The following PCDHB6 variants were observed in gnomAD, a reference collection of about 807,000 sequenced individuals.
PCDHB6 encodes protocadherin beta 6.
For synonymous variants in PCDHB6, 506 were observed against 459.0 expected (o/e 1.10, Z -1.31); for missense variants, 1,137 against 1,010.1 (o/e 1.13, Z -1.70).
chr5:141,152,153 C>G lies in PCDHB6; in HGVS notation c.1896C>G (p.Asp632Glu). The G allele has an allele frequency of 6.2e-7, 1 of 1,608,176 alleles. No homozygotes were observed. The highest frequency in any genetic ancestry group is 8.5e-7 in the Non-Finnish European group (1 of 1,179,720). ...VRTARLLSER[D>E]AAKHRLVVLV... ...CCGCCAGGCTGCTGAGCGAGCGAGA[C>G]GCAGCCAAGCACAGGCTGGTGGTGC... The change falls in exon 1 of 1, where the codon GAC (aspartate) becomes GAG (glutamate). Residue 632 changes from aspartate to glutamate, a missense_variant. Physicochemically the swap from Asp to Glu is conservative, Grantham distance 45. Coordinates refer to ENST00000231136, the MANE Select transcript of PCDHB6 (RefSeq NM_018939.4).
In PCDHB6 at chr5:141,152,569, A is replaced by T; in HGVS notation, c.2312A>T (p.Asn771Ile). The change falls in exon 1 of 1, where the codon AAC (asparagine) becomes ATC (isoleucine). Residue 771 changes from asparagine to isoleucine, a missense_variant. By Grantham distance (149) the Asn-to-Ile change is moderately radical (BLOSUM62 -3). Coordinates refer to ENST00000231136, the MANE Select transcript of PCDHB6 (RefSeq NM_018939.4). ...EFKFLKPIMP[N>I]FPPQGTEREM... ...AAGTTCCTGAAGCCGATTATGCCCAACTTCCCTCCTCAGGGCACTGAGAGA... is the reference window on the plus strand; with the variant it reads ...AAGTTCCTGAAGCCGATTATGCCCATCTTCCCTCCTCAGGGCACTGAGAGA... 1 of 1,613,590 alleles carries T rather than the reference A, an allele frequency of 6.2e-7. No homozygotes were observed. Among genetic ancestry groups the T allele is most frequent in the South Asian group, 1.1e-5 (1 of 91,054 alleles).
rs782157656 is a variant in PCDHB6 at position 141,152,573 on chromosome 5, C to G, written c.2316C>G (p.Phe772Leu). Residue 772 changes from phenylalanine (F) to leucine (L), a missense_variant, in exon 1 of 1, where the codon TTC becomes TTG. Coordinates refer to ENST00000231136, the MANE Select transcript of PCDHB6 (RefSeq NM_018939.4). ...TCCTGAAGCCGATTATGCCCAACTTCCCTCCTCAGGGCACTGAGAGAGAAA... is the reference window on the plus strand; with the variant it reads ...TCCTGAAGCCGATTATGCCCAACTTGCCTCCTCAGGGCACTGAGAGAGAAA... ...FKFLKPIMPN[F>L]PPQGTEREME... 1.9e-6 allele frequency: 3 copies of G among 1,613,874 alleles called. No homozygotes were observed. The South Asian group carries it at 3.3e-5, about 18-fold the overall frequency.
chr5:141,152,076 G>T lies in PCDHB6; in HGVS notation c.1819G>T (p.Ala607Ser). 1 of 1,607,020 alleles carries T rather than the reference G, an allele frequency of 6.2e-7. No homozygotes were observed. Among genetic ancestry groups the T allele is most frequent in the Non-Finnish European group, 8.5e-7 (1 of 1,179,646 alleles). ...NAWLSYQLLK[A>S]TELGLFGVWA... ...CTGGCTGTCGTACCAGCTGCTCAAGGCCACGGAGCTCGGTCTGTTCGGCGT... is the reference window on the plus strand; with the variant it reads ...CTGGCTGTCGTACCAGCTGCTCAAGTCCACGGAGCTCGGTCTGTTCGGCGT... Residue 607 changes from alanine (A) to serine (S), a missense_variant, in exon 1 of 1, where the codon GCC becomes TCC. Transcript: ENST00000231136.
chr5:141,150,592 C>T lies in PCDHB6; in HGVS notation c.335C>T (p.Pro112Leu). 1 of 1,614,118 alleles carries T rather than the reference C, an allele frequency of 6.2e-7. No individual in the cohort carries two copies. Among genetic ancestry groups the T allele is most frequent in the African/African-American group, 1.3e-5 (1 of 75,020 alleles). The change falls in exon 1 of 1, where the codon CCC becomes CTC. Residue 112 changes from proline (P) to leucine (L), a missense_variant. Physicochemically the swap from Pro to Leu is moderately conservative, Grantham distance 98 (BLOSUM62 -3). Transcript: ENST00000231136. ...CCTTTCCAAGTGTTACTGGAAAACC[C>T]CTTGCAGTTTTTTCAGGCTTCCTTG... ...VLPFQVLLEN[P>L]LQFFQASLRV... is the part of the protein sequence containing the mutation.
rs1554277589 is a variant in PCDHB6 at position 141,151,042 on chromosome 5, C to T, written c.785C>T (p.Thr262Ile). The change falls in exon 1 of 1, where the codon ACC becomes ATC. Residue 262 changes from threonine to isoleucine, a missense_variant. By Grantham distance (89) the Thr-to-Ile change is moderately conservative. Coordinates refer to ENST00000231136, the MANE Select transcript of PCDHB6 (RefSeq NM_018939.4). ...ENNPLGSLVITVSARDLDAGS... is the reference protein window; with the variant it reads ...ENNPLGSLVIIVSARDLDAGS... ...AACCCCCTCGGCTCTCTGGTTATTACCGTCTCAGCCAGAGATTTAGATGCA... is the reference window on the plus strand; with the variant it reads ...AACCCCCTCGGCTCTCTGGTTATTATCGTCTCAGCCAGAGATTTAGATGCA... 1.2e-6 allele frequency: 2 copies of T among 1,614,216 alleles called. No individual in the cohort carries two copies. The highest frequency in any genetic ancestry group is 4.5e-5 in the East Asian group (2 of 44,876).
At position 141,152,727 on chromosome 5, in the gene PCDHB6, A is replaced by T; in HGVS notation, c.*85A>T. On this transcript the variant is annotated 3_prime_UTR_variant, in exon 1 of 1. Coordinates refer to ENST00000231136, the MANE Select transcript of PCDHB6 (RefSeq NM_018939.4). ...ACATGGTCTGTTTCTTGTTTATTTT[A>T]CCTCTATTCTTTAGGTTGAAATTTT... 2 of 1,231,750 alleles carry T rather than the reference A, an allele frequency of 1.6e-6. No homozygotes were observed. Among genetic ancestry groups the T allele is most frequent in the South Asian group, 1.7e-5 (1 of 59,294 alleles). 76.3% of individuals were successfully genotyped at this position (1,231,750 alleles called of 1,614,324 possible).
chr5:141,150,156 A>C lies in PCDHB6; in HGVS notation c.-102A>C, dbSNP rs1020551650. 2.2e-6 allele frequency: 2 copies of C among 902,548 alleles called. No homozygotes were observed. Among genetic ancestry groups the C allele is most frequent in the African/African-American group, 1.7e-5 (1 of 59,658 alleles). The allele number at this position is 902,548 out of a possible 1,614,324, so 55.9% of individuals were successfully genotyped here. A position where few individuals can be genotyped will look rare whatever the true frequency, so the allele number is the denominator to read the frequency against. ...AGTCGTCGCCAGACAAGTTGTAAGA[A>C]CGAATTTAAAAATCTCTGCAAAGAC... On this transcript the variant is annotated 5_prime_UTR_variant, in exon 1 of 1. Transcript: ENST00000231136.
At position 141,150,521 on chromosome 5, in the gene PCDHB6, A is replaced by C. The variant is rs1554277430; in HGVS notation, c.264A>C (p.Lys88Asn). 4 of 1,613,970 alleles carry C rather than the reference A, an allele frequency of 2.5e-6. No homozygotes were observed. The highest frequency in any genetic ancestry group is 1.6e-4 in the Middle Eastern group (1 of 6,062). The change falls in exon 1 of 1, where the codon AAA (lysine) becomes AAC (asparagine). Residue 88 changes from lysine to asparagine, a missense_variant. Transcript: ENST00000231136. ...CCCATGATTTACTGCTAAATGAAAA[A>C]CTGGACCGGGAGGAGCTGTGTGGCT... The part of the protein sequence containing the change: ...PQTHDLLLNE[K>N]LDREELCGST...
Position 141,152,174 on chromosome 5 carries a change from G to T in PCDHB6, c.1917G>T (p.Val639=). The change falls in exon 1 of 1, where the codon GTG becomes GTT. Residue 639 remains valine, a synonymous_variant. Coordinates refer to ENST00000231136, the MANE Select transcript of PCDHB6 (RefSeq NM_018939.4). ...GAGACGCAGCCAAGCACAGGCTGGT[G>T]GTGCTTGTCAAGGACAATGGCGAGC... The part of the protein sequence containing the change: ...SERDAAKHRL[V]VLVKDNGEPP... 1.2e-6 allele frequency: 2 copies of T among 1,607,854 alleles called. No individual in the cohort carries two copies. Among genetic ancestry groups the T allele is most frequent in the Non-Finnish European group, 1.7e-6 (2 of 1,179,718 alleles).
rs1554277692 is a variant in PCDHB6 at position 141,151,430 on chromosome 5, A to G, written c.1173A>G (p.Leu391=). The change falls in exon 1 of 1, where the codon CTA becomes CTG. Residue 391 remains leucine (L), a synonymous_variant. Coordinates refer to ENST00000231136, the MANE Select transcript of PCDHB6 (RefSeq NM_018939.4). ...TAGAGAACAATCTCCCCTTTCTACT[A>G]AGACCTTCCGTGGAGAATTTCTACA... ...CSIENNLPFL[L]RPSVENFYTL... is the part of the protein sequence containing the mutation. 18 of 1,614,012 alleles carry G rather than the reference A, an allele frequency of 1.1e-5. No homozygotes were observed. Among genetic ancestry groups the G allele is most frequent in the Non-Finnish European group, 1.5e-5 (18 of 1,180,016 alleles).
In PCDHB6 at chr5:141,151,709, C is replaced by G. The variant is rs782174509; in HGVS notation, c.1452C>G (p.Val484=). The G allele has an allele frequency of 6.2e-7, 1 of 1,611,066 alleles. No homozygotes were observed. Among genetic ancestry groups the G allele is most frequent in the African/African-American group, 1.3e-5 (1 of 74,912 alleles). Residue 484 remains valine, a synonymous_variant, in exon 1 of 1, where the codon GTC becomes GTG. Coordinates refer to ENST00000231136, the MANE Select transcript of PCDHB6 (RefSeq NM_018939.4). ...GAGACTCAGGCATCAACGCCCAGGT[C>G]ACCTACTCGCTGCTGCCGCCCCAGG... ...TDRDSGINAQ[V]TYSLLPPQDP...
In PCDHB6 at chr5:141,152,435, C is replaced by G. The variant is rs782332938; in HGVS notation, c.2178C>G (p.Pro726=). 1.6e-5 allele frequency: 26 copies of G among 1,613,684 alleles called. No individual in the cohort carries two copies. Among genetic ancestry groups the G allele is most frequent in the African/African-American group, 2.7e-5 (2 of 74,746 alleles). Residue 726 remains proline (P), a synonymous_variant, in exon 1 of 1, where the codon CCC becomes CCG. Transcript: ENST00000231136. ...RAASVGRYSV[P]EGPFPGHLVD... ...CCTCGGTGGGTCGCTACTCGGTGCC[C>G]GAGGGTCCCTTTCCAGGGCATCTGG... is the stretch of plus-strand genomic sequence containing the variant.
rs1421099398 is a variant in PCDHB6, at chr5:141,151,500, T to C, written c.1243T>C (p.Tyr415His). 1.9e-5 allele frequency: 30 copies of C among 1,613,888 alleles called. No homozygotes were observed. The African/African-American group carries it at 3.7e-4, about 20-fold the overall frequency. The stretch of plus-strand genomic sequence containing the variant: ...GCTGGACAGAGAGAGCAGAGCCGAG[T>C]ACAACATCACTATCACGGTCACTGA... ...GALDRESRAE[Y>H]NITITVTDLG... is the part of the protein sequence containing the mutation. Residue 415 changes from tyrosine (Y) to histidine (H), a missense_variant, in exon 1 of 1, where the codon TAC becomes CAC. Physicochemically the swap from Tyr to His is moderately conservative, Grantham distance 83 (BLOSUM62 2). Transcript: ENST00000231136.
Position 141,151,718 on chromosome 5 carries a change from G to A in PCDHB6, c.1461G>A (p.Ser487=). ...GCATCAACGCCCAGGTCACCTACTCGCTGCTGCCGCCCCAGGACCCGCACC... is the reference window on the plus strand; with the variant it reads ...GCATCAACGCCCAGGTCACCTACTCACTGCTGCCGCCCCAGGACCCGCACC... The part of the protein sequence containing the change: ...DSGINAQVTY[S]LLPPQDPHLP... The change falls in exon 1 of 1, where the codon TCG becomes TCA. Residue 487 remains serine, a synonymous_variant. Coordinates refer to ENST00000231136, the MANE Select transcript of PCDHB6 (RefSeq NM_018939.4). 2 of 1,613,104 alleles carry A rather than the reference G, an allele frequency of 1.2e-6. No individual in the cohort carries two copies. The highest frequency in any genetic ancestry group is 1.7e-6 in the Non-Finnish European group (2 of 1,180,030).
chr5:141,152,507 G>C lies in PCDHB6; in HGVS notation c.2250G>C (p.Lys750Asn). 6.2e-7 allele frequency: 1 copy of C among 1,614,130 alleles called. No homozygotes were observed. The highest frequency in any genetic ancestry group is 8.5e-7 in the Non-Finnish European group (1 of 1,180,042). The change falls in exon 1 of 1, where the codon AAG becomes AAC. Residue 750 changes from lysine (K) to asparagine (N), a missense_variant. By Grantham distance (94) the Lys-to-Asn change is moderately conservative. Transcript: ENST00000231136. ...CCCTATCCCAGAGCTACCAGTACAA[G>C]GTGTGTCTGACGGGAGGCTCAGAAA... Reference protein sequence around the residue: ...TGTLSQSYQYKVCLTGGSETN... With the variant: ...TGTLSQSYQYNVCLTGGSETN...
chr5:141,150,750 G>A lies in PCDHB6; in HGVS notation c.493G>A (p.Gly165Ser). ...ACACGATTTAGACACCGGCAGCAAC[G>A]GCCTTCAGAGGTACACAATCAGCTC... is the stretch of plus-strand genomic sequence containing the variant. ...MAHDLDTGSN[G>S]LQRYTISSNP... The change falls in exon 1 of 1, where the codon GGC (glycine) becomes AGC (serine). Residue 165 changes from glycine (G) to serine (S), a missense_variant. By Grantham distance (56) the Gly-to-Ser change is moderately conservative. Coordinates refer to ENST00000231136, the MANE Select transcript of PCDHB6 (RefSeq NM_018939.4). 1.2e-6 allele frequency: 2 copies of A among 1,614,142 alleles called. No homozygotes were observed. The highest frequency in any genetic ancestry group is 2.7e-5 in the African/African-American group (2 of 75,028).
At position 141,150,918 on chromosome 5, in the gene PCDHB6, C is replaced by G; in HGVS notation, c.661C>G (p.Arg221Gly). 2 of 1,614,128 alleles carry G rather than the reference C, an allele frequency of 1.2e-6. No homozygotes were observed. The highest frequency in any genetic ancestry group is 1.7e-6 in the Non-Finnish European group (2 of 1,180,014). Residue 221 changes from arginine (R) to glycine (G), a missense_variant, in exon 1 of 1, where the codon CGG (arginine) becomes GGG (glycine). Transcript: ENST00000231136. ...LIALDGGSPP[R>G]SGTSEIQIQV... ...CGCGCTGGATGGCGGGTCTCCGCCCCGGTCAGGGACCTCCGAGATTCAGAT... is the reference window on the plus strand; with the variant it reads ...CGCGCTGGATGGCGGGTCTCCGCCCGGGTCAGGGACCTCCGAGATTCAGAT...
chr5:141,150,357 G>A lies in PCDHB6; in HGVS notation c.100G>A (p.Val34Ile), dbSNP rs141476251. 4.4e-3 allele frequency: 7,140 copies of A among 1,614,100 alleles called. 39 individuals are homozygous for A. The highest frequency in any genetic ancestry group is 5.5e-3 in the South Asian group (500 of 91,082). Residue 34 changes from valine to isoleucine, a missense_variant, in exon 1 of 1, where the codon GTA (valine) becomes ATA (isoleucine). Physicochemically the swap from Val to Ile is conservative, Grantham distance 29 (BLOSUM62 3). Transcript: ENST00000231136. The part of the protein sequence containing the change: ...EVGSESIQYS[V>I]LEETESGTFV... ...GGGTTCTGAATCGATTCAGTATTCC[G>A]TATTGGAGGAGACAGAAAGTGGCAC...
rs1752909277 is a variant in PCDHB6, at chr5:141,152,410, C to T, written c.2153C>T (p.Ala718Val). Residue 718 changes from alanine (A) to valine (V), a missense_variant, in exon 1 of 1, where the codon GCC becomes GTC. Transcript: ENST00000231136. ...CGGCTGTGCAGGAGGAGCAGGGCGG[C>T]CTCGGTGGGTCGCTACTCGGTGCCC... ...AVRLCRRSRA[A>V]SVGRYSVPEG... is the part of the protein sequence containing the mutation. The T allele has an allele frequency of 6.2e-7, 1 of 1,613,382 alleles. No individual in the cohort carries two copies. The highest frequency in any genetic ancestry group is 8.5e-7 in the Non-Finnish European group (1 of 1,180,022).
Sources: gnomAD v4.1 joint callset for allele counts on GRCh38, gnomAD v4.1.1 for gene constraint, MANE v1.5 for transcripts, NCBI Gene and HGNC (gene_info 2026-07-23, HGNC 2026-07-21) for gene names.